The following CAPRIN2 variants were observed in gnomAD, a reference collection of about 807,000 sequenced individuals.
The protein encoded by CAPRIN2 is caprin family member 2, also known as caprin-2.
A neutral mutation model predicts 130.4 loss-of-function variants in CAPRIN2; 66 were observed. The observed-to-expected ratio is 0.51, with a 90% confidence interval of 0.42 to 0.62. The LOEUF (loss-of-function observed/expected upper bound fraction) is 0.62. Ranked by LOEUF, CAPRIN2 falls within the 20% of genes least tolerant of loss-of-function variation. The pLI is 0.00. For synonymous variants in CAPRIN2, 471 were observed against 444.1 expected, an observed-to-expected ratio of 1.06 and a Z score of -0.76; for missense variants, 1,185 against 1,246.6, an observed-to-expected ratio of 0.95 and a Z score of 0.74.
At chr12:30,754,381 C>T (rs980819467) in exon 1 of CAPRIN2, 1 of 153,012 alleles carries the variant, frequency 6.5e-6, no homozygotes, top group South Asian at 2.1e-4. Context: ...CCTTTCTCCC[C>T]CCTTAGGAGC....
At chr12:30,749,689 G>A (rs1364501109) in intron 2 of CAPRIN2, among the ~76,000 whole-genome samples, 3 of 152,136 alleles carry the variant, frequency 2.0e-5, no homozygotes, top group Non-Finnish European at 4.4e-5. Flanking sequence ...AGCAGGTTTT[G>A]GGGAACAGGG....
Position 30,728,692 on chromosome 12 carries a change from T to C in CAPRIN2, c.1738A>G (p.Asn580Asp), listed in dbSNP as rs1301688188. The C allele has an allele frequency of 3.7e-6, 6 of 1,613,384 alleles. No homozygotes were observed. Among genetic ancestry groups the C allele is most frequent in the Admixed American group, 1.7e-5 (1 of 59,938 alleles). The change falls in exon 8 of 17, where the codon AAT (asparagine) becomes GAT (aspartate). Residue 580 changes from asparagine (N) to aspartate (D), a missense_variant. Around this residue, in one of 2 missense-constraint regions of CAPRIN2, gnomAD observed 1,104 missense variants for 1,104.3 expected, o/e 1.00. Coordinates refer to ENST00000298892, the Ensembl canonical transcript of CAPRIN2. ...AACTTCCTGGGCAGCAGCTGGTCAT[T>C]TGGTATGAGGCTTGCTGTAGCTACT...
intron 2 of CAPRIN2, among the ~76,000 whole-genome samples, chr12:30,744,869 A>G (rs897929899): frequency 2.0e-5 from 3 of 152,228 alleles, no homozygotes; most frequent in African/African-American, 7.2e-5. Context: ...AAGATAGTTC[A>G]GATGATCTTA....
At chr12:30,715,427 A>T in intron 13 of CAPRIN2, 1 of 506,790 alleles carries the variant, frequency 2.0e-6, no homozygotes, top group Non-Finnish European at 3.8e-6. Flanking sequence ...AAAAGCACAA[A>T]TATTGTATAC....
chr12:30,729,473 C>T (rs1025957502), intron 7 of CAPRIN2, 148 bp from the exon 9 acceptor site: 11 of 555,184 alleles, frequency 2.0e-5, no homozygotes, highest in Non-Finnish European at 3.3e-5. Flanking sequence ...AAAAGACTTT[C>T]CTACTTCTCT....
chr12:30,721,296 G>A (rs866947146), intron 11 of CAPRIN2, among the ~76,000 whole-genome samples: 1 of 152,118 alleles, frequency 6.6e-6, no homozygotes, highest in Non-Finnish European at 1.5e-5. Flanking sequence ...TAGCATTCAC[G>A]GGAAGGTGAG....
At chr12:30,752,774 C>G (rs1412719167) in intron 1 of CAPRIN2, among the ~76,000 whole-genome samples, 1 of 43,998 alleles carries the variant, frequency 2.3e-5, no homozygotes, top group Middle Eastern at 0.011. Context: ...GTTTCACAGG[C>G]TACATGACTC....
At chr12:30,712,731 C>T (rs981901861) in intron 15 of CAPRIN2, among the ~76,000 whole-genome samples, 41 of 87,776 alleles carry the variant, frequency 4.7e-4, no homozygotes, top group Non-Finnish European at 3.9e-4. Flanking sequence ...ATGTTTTCCA[C>T]TCTTTTTTTT....
intron 15 of CAPRIN2, among the ~76,000 whole-genome samples, chr12:30,712,154 T>C (rs2055084892): frequency 6.6e-6 from 1 of 151,890 alleles, no homozygotes; most frequent in Admixed American, 6.6e-5. Context: ...TAAGAAAAAA[T>C]GTTCCAGGGG....
At chr12:30,746,253 T>A (rs1355297038) in intron 2 of CAPRIN2, among the ~76,000 whole-genome samples, 7 of 152,168 alleles carry the variant, frequency 4.6e-5, no homozygotes, top group African/African-American at 1.7e-4. Flanking sequence ...CCCATAGAGC[T>A]GGGTGCAGTG....
Position 30,710,258 on chromosome 12 carries a change from G to A in CAPRIN2, c.2878C>T (p.Pro960Ser), listed in dbSNP as rs951655638. The change falls in exon 17 of 17, where the codon CCT (proline) becomes TCT (serine). Residue 960 changes from proline to serine, a missense_variant. Physicochemically the swap from Pro to Ser is moderately conservative, Grantham distance 74. Around this residue, in one of 2 missense-constraint regions of CAPRIN2, gnomAD observed 81 missense variants for 142.2 expected, o/e 0.57. Coordinates refer to ENST00000298892, the Ensembl canonical transcript of CAPRIN2. The surrounding 1 kb of genome is among the most constrained non-coding windows in gnomAD (Gnocchi z 4.8). Reference sequence around the variant, plus strand: ...ACAATAGGTTGGTCTAAAGTTCCAGGGGCCAGATTAGAGGTTCTGGCTGCT... The same window carrying A: ...ACAATAGGTTGGTCTAAAGTTCCAGAGGCCAGATTAGAGGTTCTGGCTGCT... 3.1e-6 allele frequency: 5 copies of A among 1,614,132 alleles called. No individual in the cohort carries two copies. Among genetic ancestry groups the A allele is most frequent in the Non-Finnish European group, 4.2e-6 (5 of 1,180,038 alleles).
chr12:30,723,205 G>T, intron 11 of CAPRIN2, 54 bp downstream of exon 12: 1 of 1,235,502 alleles, frequency 8.1e-7, no homozygotes, highest in Non-Finnish European at 1.2e-6. Flanking sequence ...TCTTTCCAAA[G>T]CAAGAGCTTC....
intron 4 of CAPRIN2, among the ~76,000 whole-genome samples, chr12:30,734,159 G>A (rs1265932564): frequency 6.6e-6 from 1 of 152,210 alleles, no homozygotes; most frequent in Non-Finnish European, 1.5e-5. Context: ...AAGTGAAGGA[G>A]GCAATGTATA....
intron 12 of CAPRIN2, 23 bp from the exon 14 acceptor site, chr12:30,719,248 C>A (rs2058617565): frequency 1.2e-6 from 2 of 1,612,474 alleles, no homozygotes; most frequent in Non-Finnish European, 1.7e-6. Flanking sequence ...AATGCAGCAT[C>A]AGCCAATCAC....
Position 30,711,564 on chromosome 12 carries a change from A to T in CAPRIN2, c.2665+2T>A. On this transcript the variant is annotated splice_donor_variant, in intron 16 of 16. Transcript: ENST00000298892. LOFTEE classifies it high-confidence loss of function. ...GAAAACTATTCAGCTAATTACCCTT[A>T]CCTCTCGAATTTGCTCGTGGACCAC... 1 of 1,611,198 alleles carries T rather than the reference A, an allele frequency of 6.2e-7. No individual in the cohort carries two copies. The highest frequency in any genetic ancestry group is 8.5e-7 in the Non-Finnish European group (1 of 1,177,392).
At chr12:30,744,332 G>A (rs2068866489) in intron 2 of CAPRIN2, among the ~76,000 whole-genome samples, 1 of 152,084 alleles carries the variant, frequency 6.6e-6, no homozygotes, top group African/African-American at 2.4e-5. Context: ...AAAATCTGTA[G>A]TTGTTCCCTG....
rs933000518 is a variant in CAPRIN2 at position 30,751,271 on chromosome 12, G to T, written c.421-138C>A. ...CTGCAAGACTATCATTTTACTATAC[G>T]GCATGCAGCAACTGTAGATGAGTTC... On this transcript the variant is annotated intron_variant, in intron 1 of 16. Coordinates refer to ENST00000298892, the Ensembl canonical transcript of CAPRIN2. 4 of 681,060 alleles carry T rather than the reference G, an allele frequency of 5.9e-6. No homozygotes were observed. In the South Asian group the frequency reaches 6.6e-5, roughly 11 times the overall value. 42.2% of individuals were successfully genotyped at this position (681,060 alleles called of 1,614,324 possible).
chr12:30,735,184 G>A (rs200640934), exon 4 of CAPRIN2: 1 of 1,614,014 alleles, frequency 6.2e-7, no homozygotes, highest in Admixed American at 1.7e-5. Context: ...CCTTCTCTGG[G>A]CCTTCTTTTG....
chr12:30,735,189 C>A (rs781604934), exon 4 of CAPRIN2: 1 of 1,614,046 alleles, frequency 6.2e-7, no homozygotes, highest in South Asian at 1.1e-5. Context: ...TCTGGGCCTT[C>A]TTTTGCGCTT....
Sources: allele counts gnomAD v4.1 joint callset (sites outside exome capture counted in the v4.1 genomes callset), GRCh38; gene constraint gnomAD v4.1.1; regional missense constraint gnomAD v4.1.1; non-coding constraint Gnocchi (gnomAD v3.1); transcripts MANE v1.5; gene names NCBI Gene and HGNC (gene_info 2026-07-23, HGNC 2026-07-21).